TJP1: variants seen among roughly 807,000 people sequenced by gnomAD.
TJP1 encodes tight junction protein ZO-1.
Under a neutral mutation model 194.2 loss-of-function variants are expected in TJP1, and 43 were observed. That is an observed-to-expected ratio of 0.22 (90% CI 0.17 to 0.29). The LOEUF is 0.29. Ranked by LOEUF, TJP1 falls within the 10% of genes least tolerant of loss-of-function variation. TJP1 has a pLI of 1.00. For synonymous variants in TJP1, 801 were observed against 779.0 expected, an observed-to-expected ratio of 1.03 and a Z score of -0.47; for missense variants, 1,971 against 2,185.7, an observed-to-expected ratio of 0.90 and a Z score of 1.96.
At chr15:29,726,746 G>A in intron 17 of TJP1, 35 bp downstream of exon 17, 3 of 1,592,718 alleles carry the variant, frequency 1.9e-6, no homozygotes, top group Non-Finnish European at 2.6e-6. Context: ...CCCAGACATT[G>A]TAAGCTGAAA....
chr15:29,761,216 G>A lies in TJP1; in HGVS notation c.933C>T (p.Ser311=), dbSNP rs778517211. 3.1e-6 allele frequency: 5 copies of A among 1,614,130 alleles called. No individual in the cohort carries two copies. The East Asian group carries it at 1.1e-4, about 36-fold the overall frequency. The change falls in exon 8 of 28, where the codon AGC becomes AGT. Residue 311 remains serine (S), a synonymous_variant. Coordinates refer to ENST00000614355, the MANE Select transcript of TJP1 (RefSeq NM_001330239.4). ...ACCGCTGGTCAGGAGATCGTGACCG[G>A]CTGCGGCGGGGAGGCCTATCGTGTG... The part of the protein sequence containing the change: ...GRSHDRPPRR[S]RSRSPDQRSE...
upstream of TJP1, among the ~76,000 whole-genome samples, chr15:29,826,322 G>A (rs948276438): frequency 1.3e-5 from 2 of 152,010 alleles, no homozygotes; most frequent in Admixed American, 6.6e-5. Context: ...CAGGCAGGTC[G>A]GAAGCTCCAT....
chr15:29,783,785 C>T (rs2047524683), intron 2 of TJP1, among the ~76,000 whole-genome samples: 1 of 152,110 alleles, frequency 6.6e-6, no homozygotes, highest in African/African-American at 2.4e-5. Flanking sequence ...AGAGGCAACA[C>T]ACTGGGGACT....
intron 18 of TJP1, among the ~76,000 whole-genome samples, chr15:29,724,324 C>T (rs146117523): frequency 7.7e-4 from 117 of 152,296 alleles, no homozygotes; most frequent in African/African-American, 2.7e-3. Context: ...CTGAACAAGT[C>T]TCAATGGCTT....
chr15:29,957,876 G>C (rs556486661), intron 1 of TJP1, among the ~76,000 whole-genome samples: 1 of 152,122 alleles, frequency 6.6e-6, no homozygotes, highest in Non-Finnish European at 1.5e-5. Context: ...CAGTATATGA[G>C]AATACCCATT....
At chr15:29,699,867 G>A (rs1251612115), downstream of TJP1, 2 of 171,046 alleles carry the variant, frequency 1.2e-5, no homozygotes, top group African/African-American at 4.8e-5. Context: ...ATGCAGGGGT[G>A]TTTCTCCACG....
rs542661487 is a variant in TJP1 at position 29,942,241 on chromosome 15, T to C, written c.306+13991A>G. On this transcript the variant is annotated intron_variant, in intron 2 of 28. Coordinates refer to the TJP1 transcript ENST00000356107. ...AGTCAATAAGCTCCCGAACTAGCAG[T>C]TGCTAATGAAAAGAAACTCTGAAGA... Among the ~76,000 whole-genome samples the C allele has an allele frequency of 3.7e-4, 56 of 152,240 alleles. No individual in the cohort carries two copies. In the South Asian group the frequency reaches 5.4e-3, roughly 15 times the overall value.
chr15:29,836,865 A>G (rs188240715), intron 2 of TJP1, among the ~76,000 whole-genome samples: 194 of 152,280 alleles, frequency 1.3e-3, no homozygotes, highest in Middle Eastern at 3.4e-3. Flanking sequence ...CCTCCCCTCT[A>G]GAGGATACAG....
chr15:29,791,518 T>TCA, intron 2 of TJP1, among the ~76,000 whole-genome samples: 1 of 146,800 alleles, frequency 6.8e-6, no homozygotes, highest in South Asian at 2.2e-4. Context: ...CCTCCCAGGT[T>TCA]CACGCCATTC....
chr15:29,731,086 T>C (rs2043620656), intron 15 of TJP1: 4 of 727,666 alleles, frequency 5.5e-6, no homozygotes, highest in African/African-American at 1.8e-5. Flanking sequence ...TTACTTTTTT[T>C]TTTTTTTTTT....
At chr15:29,838,865 A>G (rs895027156) in intron 2 of TJP1, among the ~76,000 whole-genome samples, 1 of 152,138 alleles carries the variant, frequency 6.6e-6, no homozygotes, top group African/African-American at 2.4e-5. Context: ...ATGGAACCAT[A>G]CAGTACGTAA....
intron 2 of TJP1, among the ~76,000 whole-genome samples, chr15:29,949,425 C>G (rs2055466638): frequency 6.9e-6 from 1 of 145,700 alleles, no homozygotes; most frequent in East Asian, 2.0e-4. Flanking sequence ...TCTACCTCCA[C>G]AACCACCACC....
At chr15:29,740,848 A>C (rs950852176) in intron 10 of TJP1, among the ~76,000 whole-genome samples, 1 of 151,928 alleles carries the variant, frequency 6.6e-6, no homozygotes, top group Non-Finnish European at 1.5e-5. Context: ...ACATCTGGCA[A>C]TGTCTAGAGA....
chr15:29,709,123 T>G, intron 24 of TJP1, 87 bp from the exon 25 acceptor site: 1 of 1,322,684 alleles, frequency 7.6e-7, no homozygotes, highest in Non-Finnish European at 1.0e-6. Context: ...GGTGCTGGAG[T>G]CGAGGCCCAA....
At chr15:29,813,550 T>C (rs1268795111) in intron 1 of TJP1, among the ~76,000 whole-genome samples, 3 of 152,172 alleles carry the variant, frequency 2.0e-5, no homozygotes, top group Non-Finnish European at 4.4e-5. Flanking sequence ...AAAGAAGCCA[T>C]ATACAACAGA....
Position 29,708,623 on chromosome 15 carries a change from G to T in TJP1, c.4786C>A (p.His1596Asn), listed in dbSNP as rs767953953. ...FDSGVETFSI[H>N]AEKPKYQINN... is the part of the protein sequence containing the mutation. ...ATTTGATATTTAGGCTTCTCTGCAT[G>T]GATAGAGAAAGTTTCAACTCCACTG... The change falls in exon 25 of 28, where the codon CAT becomes AAT. Residue 1596 changes from histidine to asparagine, a missense_variant. Around this residue, in one of 5 missense-constraint regions of TJP1, gnomAD observed 1,108 missense variants for 1,128.5 expected, o/e 0.98. Transcript: ENST00000614355. 3.1e-6 allele frequency: 5 copies of T among 1,614,052 alleles called. No individual in the cohort carries two copies. Among genetic ancestry groups the T allele is most frequent in the Admixed American group, 3.3e-5 (2 of 60,010 alleles).
At chr15:29,842,816 T>C (rs1029434984) in intron 2 of TJP1, among the ~76,000 whole-genome samples, 22 of 152,332 alleles carry the variant, frequency 1.4e-4, no homozygotes, top group African/African-American at 4.1e-4. Flanking sequence ...AGTTACCCCT[T>C]TCTTTTCCAC....
rs199621287 is a variant in TJP1 at position 29,761,236 on chromosome 15, C to A, written c.913G>T (p.Asp305Tyr). The change falls in exon 8 of 28, where the codon GAT becomes TAT. Residue 305 changes from aspartate (D) to tyrosine (Y), a missense_variant. Asp to Tyr is a radical substitution (Grantham distance 160). Around this residue, in one of 5 missense-constraint regions of TJP1, gnomAD observed 192 missense variants for 182.3 expected, o/e 1.05. Coordinates refer to ENST00000614355, the MANE Select transcript of TJP1 (RefSeq NM_001330239.4). ...LASDHSGRSH[D>Y]RPPRRSRSRS... The stretch of plus-strand genomic sequence containing the variant: ...GACCGGCTGCGGCGGGGAGGCCTAT[C>A]GTGTGATCGACCAGAATGATCTGAT... 3 of 1,613,900 alleles carry A rather than the reference C, an allele frequency of 1.9e-6. No individual in the cohort carries two copies. The African/African-American group carries it at 4.0e-5, about 22-fold the overall frequency.
intron 3 of TJP1, among the ~76,000 whole-genome samples, 155 bp downstream of exon 3, chr15:29,773,078 T>C (rs1316532008): frequency 6.6e-6 from 1 of 152,158 alleles, no homozygotes; most frequent in African/African-American, 2.4e-5. Context: ...AGTTTCCCTC[T>C]TAATATATGT....
Sources: gnomAD v4.1 joint callset for allele counts (sites outside exome capture counted in the v4.1 genomes callset) on GRCh38, gnomAD v4.1.1 for gene constraint, gnomAD v4.1.1 regional missense constraint, MANE v1.5 for transcripts, NCBI Gene and HGNC (gene_info 2026-07-23, HGNC 2026-07-21) for gene names.